STXBP5: variants seen among roughly 807,000 people sequenced by gnomAD.
The protein encoded by STXBP5 is syntaxin binding protein 5, also known as syntaxin-binding protein 5.
A neutral mutation model predicts 152.4 loss-of-function variants in STXBP5; 50 were observed. That is an observed-to-expected ratio of 0.33 (90% CI 0.26 to 0.42). The LOEUF (loss-of-function observed/expected upper bound fraction) is 0.42. STXBP5 is among the 10% of genes least tolerant of loss of function. STXBP5 has a pLI of 1.00. For missense variants in STXBP5, 1,167 were observed against 1,388.6 expected, an observed-to-expected ratio of 0.84 and a Z score of 2.54; for synonymous variants, 492 against 494.7, an observed-to-expected ratio of 0.99 and a Z score of 0.07.
chr6:147,357,547 T>C (rs1784868889), intron 22 of STXBP5, among the ~76,000 whole-genome samples: 2 of 152,104 alleles, frequency 1.3e-5, no homozygotes, highest in African/African-American at 4.8e-5. Flanking sequence ...TAACTATGCC[T>C]TATAAAATTT....
Position 147,204,566 on chromosome 6 carries a change from G to T in STXBP5, c.34G>T (p.Gly12Cys). 6.2e-7 allele frequency: 1 copy of T among 1,610,906 alleles called. No individual in the cohort carries two copies. Among genetic ancestry groups the T allele is most frequent in the East Asian group, 2.3e-5 (1 of 44,274 alleles). Residue 12 changes from glycine to cysteine, a missense_variant, in exon 1 of 28, where the codon GGC becomes TGC. Gly to Cys is a radical substitution (Grantham distance 159, BLOSUM62 -3). Coordinates refer to ENST00000321680, the MANE Select transcript of STXBP5 (RefSeq NM_001127715.4). This position sits in a 1 kb window ranked among gnomAD's most constrained non-coding sequence, Gnocchi z 4.3. ...RKFNIRKVLD[G>C]LTAGSSSASQ... ...ATTCAACATCAGGAAGGTGCTGGAC[G>T]GCCTGACCGCCGGCTCGTCCTCGGC... is the stretch of plus-strand genomic sequence containing the variant.
At chr6:147,247,006 C>G (rs1681869731) in intron 4 of STXBP5, among the ~76,000 whole-genome samples, 1 of 152,146 alleles carries the variant, frequency 6.6e-6, no homozygotes, top group Admixed American at 6.5e-5. Flanking sequence ...TATTACAGTA[C>G]TGTGCTTTGC....
intron 26 of STXBP5, among the ~76,000 whole-genome samples, chr6:147,376,427 C>T (rs1389034983): frequency 6.6e-6 from 1 of 152,120 alleles, no homozygotes; most frequent in Non-Finnish European, 1.5e-5. Context: ...ACAGATAGTA[C>T]ATAAAGCATG....
chr6:147,312,719 AC>A (rs1782446989), intron 11 of STXBP5, among the ~76,000 whole-genome samples: 1 of 152,216 alleles, frequency 6.6e-6, no homozygotes, highest in South Asian at 2.1e-4. Flanking sequence ...TTCTAAATTT[AC>A]TTTAGTACCT....
chr6:147,367,631 C>G (rs550606965), intron 25 of STXBP5, among the ~76,000 whole-genome samples: 1 of 151,988 alleles, frequency 6.6e-6, no homozygotes, highest in African/African-American at 2.4e-5. Flanking sequence ...AAGCGAGATT[C>G]TGTCTCAAAA....
In STXBP5 at chr6:147,359,130, A is replaced by G. The variant is rs778771329; in HGVS notation, c.2352A>G (p.Thr784=). The G allele has an allele frequency of 5.6e-6, 9 of 1,614,032 alleles. No homozygotes were observed. In the East Asian group the frequency reaches 1.8e-4, roughly 32 times the overall value. ...GCCGATCACGGAGTTCAAGTGTAACAAGCATTGACAAAGAATCCCGAGAAG... is the reference window on the plus strand; with the variant it reads ...GCCGATCACGGAGTTCAAGTGTAACGAGCATTGACAAAGAATCCCGAGAAG... ...SFSRSRSSSV[T]SIDKESREAI... The change falls in exon 23 of 28, where the codon ACA becomes ACG. Residue 784 remains threonine, a synonymous_variant. Coordinates refer to ENST00000321680, the MANE Select transcript of STXBP5 (RefSeq NM_001127715.4).
rs770784238 is a variant in STXBP5, at chr6:147,334,242, T to C, written c.2146+20T>C. The C allele has an allele frequency of 2.5e-6, 4 of 1,600,586 alleles. No individual in the cohort carries two copies. In the South Asian group the frequency reaches 4.5e-5, roughly 18 times the overall value. Reference sequence around the variant, plus strand: ...CCTCTGGTAATTTGGTTTTTTTTTATTTCATTAATAATTATGATTTACAAA... The same window carrying C: ...CCTCTGGTAATTTGGTTTTTTTTTACTTCATTAATAATTATGATTTACAAA... On this transcript the variant is annotated intron_variant, in intron 19 of 27. Coordinates refer to ENST00000321680, the MANE Select transcript of STXBP5 (RefSeq NM_001127715.4).
In STXBP5 at chr6:147,362,407, C is replaced by T. The variant is rs118000065; in HGVS notation, c.2546-928C>T. ...GCCTTCCATTCCATTAATGTTATCA[C>T]TTAGTTTACTCAGAAGTGAGCATAA... is the stretch of plus-strand genomic sequence containing the variant. On this transcript the variant is annotated intron_variant, in intron 23 of 27. Transcript: ENST00000321680. Among the ~76,000 whole-genome samples the T allele has an allele frequency of 3.0e-4, 45 of 152,208 alleles. 1 individual carries two copies. The East Asian group carries it at 7.5e-3, about 25-fold the overall frequency.
intron 8 of STXBP5, among the ~76,000 whole-genome samples, chr6:147,283,485 T>C (rs1481696292): frequency 6.6e-6 from 1 of 152,140 alleles, no homozygotes; most frequent in East Asian, 1.9e-4. Context: ...AAGGATATGA[T>C]ACAGGAGGAG....
chr6:147,242,167 G>A (rs1399320195), intron 4 of STXBP5, among the ~76,000 whole-genome samples: 14 of 138,588 alleles, frequency 1.0e-4, no homozygotes, highest in Non-Finnish European at 1.1e-4. Context: ...CTGTGTCTTA[G>A]TTTTAAAAAA....
intron 2 of STXBP5, among the ~76,000 whole-genome samples, chr6:147,210,574 C>T (rs917246264): frequency 2.0e-5 from 3 of 151,990 alleles, no homozygotes; most frequent in African/African-American, 7.3e-5. Context: ...ATTTAATATC[C>T]CCGTCTCCCA....
chr6:147,222,343 A>G (rs1224222197), intron 2 of STXBP5, among the ~76,000 whole-genome samples: 1 of 152,168 alleles, frequency 6.6e-6, no homozygotes. Context: ...TACTAAGTAA[A>G]AGGAACTGCT....
chr6:147,279,914 A>T (rs1202203001), intron 8 of STXBP5, among the ~76,000 whole-genome samples: 2 of 152,224 alleles, frequency 1.3e-5, no homozygotes, highest in South Asian at 4.1e-4. Flanking sequence ...CATGTCAAAG[A>T]TGATAGAAAT....
In STXBP5 at chr6:147,364,028, T is replaced by C; in HGVS notation, c.2943T>C (p.Asp981=). Residue 981 remains aspartate (D), a synonymous_variant, in exon 25 of 28, where the codon GAT becomes GAC. Transcript: ENST00000321680. ...TGCCAAGTTTAAGACCTCTGTTGGATGTGTATTACTTGCCCCTTACCAATA... is the reference window on the plus strand; with the variant it reads ...TGCCAAGTTTAAGACCTCTGTTGGACGTGTATTACTTGCCCCTTACCAATA... The part of the protein sequence containing the change: ...FSLPSLRPLL[D]VYYLPLTNMR... 2.5e-6 allele frequency: 4 copies of C among 1,613,978 alleles called. No homozygotes were observed. Among genetic ancestry groups the C allele is most frequent in the Non-Finnish European group, 3.4e-6 (4 of 1,179,990 alleles).
chr6:147,239,126 A>G (rs1343411376), intron 3 of STXBP5, 44 bp from the exon 4 acceptor site: 1 of 1,536,730 alleles, frequency 6.5e-7, no homozygotes, highest in South Asian at 1.2e-5. Flanking sequence ...CTTCATGTTT[A>G]TAAAATATAT....
At chr6:147,260,154 T>C (rs1779574228) in intron 4 of STXBP5, among the ~76,000 whole-genome samples, 1 of 152,162 alleles carries the variant, frequency 6.6e-6, no homozygotes, top group South Asian at 2.1e-4. Context: ...GTATTTGAAT[T>C]GAATCTTTGA....
chr6:147,333,311 C>T (rs1783672109), intron 18 of STXBP5, among the ~76,000 whole-genome samples: 1 of 152,104 alleles, frequency 6.6e-6, no homozygotes, highest in Admixed American at 6.5e-5. Flanking sequence ...CACTGGAAGT[C>T]AGGAGTTCCA....
intron 11 of STXBP5, among the ~76,000 whole-genome samples, chr6:147,312,843 T>C (rs1782454428): frequency 6.6e-6 from 1 of 152,220 alleles, no homozygotes; most frequent in Non-Finnish European, 1.5e-5. Flanking sequence ...TTTATTTTTT[T>C]CCCTTAGGCA....
At chr6:147,365,136 T>G (rs1040913437) in intron 25 of STXBP5, among the ~76,000 whole-genome samples, 82 of 152,316 alleles carry the variant, frequency 5.4e-4, no homozygotes, top group Admixed American at 2.6e-3. Context: ...GTTGTTGTCC[T>G]CGTTGTGTTA....
Sources: gnomAD v4.1 joint callset for allele counts (sites outside exome capture counted in the v4.1 genomes callset) on GRCh38, gnomAD v4.1.1 for gene constraint, Gnocchi (gnomAD v3.1) non-coding constraint, MANE v1.5 for transcripts, NCBI Gene and HGNC (gene_info 2026-07-23, HGNC 2026-07-21) for gene names.